The following SOBP variants were observed in gnomAD, a reference collection of about 807,000 sequenced individuals.
SOBP encodes sine oculis binding protein homolog.
A neutral mutation model predicts 53.6 loss-of-function variants in SOBP; 4 were observed. That is an observed-to-expected ratio of 0.07 (90% confidence interval 0.04 to 0.17). The LOEUF (loss-of-function observed/expected upper bound fraction) is 0.17, where lower values mean the gene tolerates loss of function less well. Among genes scored for constraint, SOBP ranks in the 10% least tolerant of loss-of-function variants. SOBP has a pLI of 1.00. For synonymous variants in SOBP, 584 were observed against 522.6 expected (o/e 1.12, Z -1.60); for missense variants, 1,088 against 1,204.7 (o/e 0.90, Z 1.43).
intron 5 of SOBP, among the ~76,000 whole-genome samples, chr6:107,607,835 A>G (rs1786444085): frequency 6.6e-6 from 1 of 152,234 alleles, no homozygotes; most frequent in South Asian, 2.1e-4. Context: ...CTTACCAGGT[A>G]TGAGACACAC....
chr6:107,571,826 A>G (rs1785081809), intron 4 of SOBP, among the ~76,000 whole-genome samples: 1 of 152,188 alleles, frequency 6.6e-6, no homozygotes, highest in African/African-American at 2.4e-5. Flanking sequence ...TTTCATTTTG[A>G]TTATATCTTT....
At chr6:107,602,233 ATT>A (rs1019051187) in intron 5 of SOBP, among the ~76,000 whole-genome samples, 6 of 152,246 alleles carry the variant, frequency 3.9e-5, no homozygotes, top group Non-Finnish European at 5.9e-5. Context: ...TTGATCTGCA[ATT>A]ATAAGTAATC....
intron 6 of SOBP, among the ~76,000 whole-genome samples, chr6:107,646,553 AGACT>A (rs1353443224): frequency 6.6e-6 from 1 of 152,346 alleles, no homozygotes; most frequent in East Asian, 1.9e-4. Context: ...AGCGATGCCT[AGACT>A]GTCTGTCCTT....
At chr6:107,649,679 A>AAG (rs923957401) in intron 6 of SOBP, among the ~76,000 whole-genome samples, 2 of 151,624 alleles carry the variant, frequency 1.3e-5, no homozygotes, top group African/African-American at 2.4e-5. Flanking sequence ...AAAAAAAAAA[A>AAG]AAGAAGAAGA....
chr6:107,647,509 G>C (rs1157632192), intron 6 of SOBP, among the ~76,000 whole-genome samples: 1 of 152,238 alleles, frequency 6.6e-6, no homozygotes, highest in African/African-American at 2.4e-5. Flanking sequence ...TACAAAAATT[G>C]TCATGATAGC....
rs761711421 is a variant in SOBP, at chr6:107,506,349, C to T, written c.343C>T (p.Pro115Ser). The T allele has an allele frequency of 1.9e-6, 3 of 1,614,178 alleles. No homozygotes were observed. The highest frequency in any genetic ancestry group is 2.2e-5 in the South Asian group (2 of 91,084). Reference sequence around the variant, plus strand: ...CACTGGAAATGGACTCAGTGACTCACCTGCAGGGTCAAAGGATCATGGCAG... The same window carrying T: ...CACTGGAAATGGACTCAGTGACTCATCTGCAGGGTCAAAGGATCATGGCAG... Reference protein sequence around the residue: ...LATGNGLSDSPAGSKDHGSVP... With the variant: ...LATGNGLSDSSAGSKDHGSVP... Residue 115 changes from proline (P) to serine (S), a missense_variant, in exon 3 of 7, where the codon CCT (proline) becomes TCT (serine). Around this residue, in one of 6 missense-constraint regions of SOBP, gnomAD observed 112 missense variants for 117.9 expected, o/e 0.95. Transcript: ENST00000317357.
intron 4 of SOBP, among the ~76,000 whole-genome samples, chr6:107,566,968 A>G (rs1784936020): frequency 6.6e-6 from 1 of 152,220 alleles, no homozygotes; most frequent in African/African-American, 2.4e-5. Context: ...GGGGTGTGTC[A>G]GGCAGATACC....
At chr6:107,491,053 C>G (rs527428740) in intron 1 of SOBP, among the ~76,000 whole-genome samples, 3 of 152,226 alleles carry the variant, frequency 2.0e-5, no homozygotes, top group African/African-American at 4.8e-5. Context: ...GTTTCTCCCC[C>G]CTTTTTGAGA....
rs1783905481 is a variant in SOBP, at chr6:107,533,552, G to A, written c.515G>A (p.Ser172Asn). Residue 172 changes from serine (S) to asparagine (N), a missense_variant, in exon 4 of 7, where the codon AGC becomes AAC. Ser to Asn is a conservative substitution (Grantham distance 46). Coordinates refer to ENST00000317357, the MANE Select transcript of SOBP (RefSeq NM_018013.4). ...YSLSMGSEVK[S>N]FCSEKCFAAC... ...CTGAGTATGGGAAGTGAGGTGAAAA[G>A]CTTCTGCAGCGAGAAGTGCTTTGCG... The A allele has an allele frequency of 6.2e-7, 1 of 1,614,168 alleles. No individual in the cohort carries two copies. The highest frequency in any genetic ancestry group is 1.7e-5 in the Admixed American group (1 of 60,026).
At chr6:107,599,902 T>C (rs1394885178) in intron 5 of SOBP, among the ~76,000 whole-genome samples, 1 of 152,178 alleles carries the variant, frequency 6.6e-6, no homozygotes, top group Non-Finnish European at 1.5e-5. Flanking sequence ...GAAACAAAAA[T>C]CCACAAGAAT....
chr6:107,503,827 A>C (rs1782906558), intron 2 of SOBP, 32 bp downstream of exon 2: 1 of 1,612,118 alleles, frequency 6.2e-7, no homozygotes, highest in Non-Finnish European at 8.5e-7. Context: ...TTGTTCATGC[A>C]AAGAAGGATT....
At chr6:107,611,624 C>T (rs558790037) in intron 5 of SOBP, among the ~76,000 whole-genome samples, 31 of 152,270 alleles carry the variant, frequency 2.0e-4, no homozygotes, top group Middle Eastern at 3.4e-3. Context: ...TGGACTCACC[C>T]GTGTTGTTGC....
chr6:107,615,983 C>T (rs557282497), intron 5 of SOBP, among the ~76,000 whole-genome samples: 46 of 149,906 alleles, frequency 3.1e-4, no homozygotes, highest in Middle Eastern at 3.4e-3. Context: ...GATCATACCA[C>T]TGCACTCCAG....
chr6:107,494,232 T>C (rs147718915), intron 1 of SOBP, among the ~76,000 whole-genome samples: 4 of 152,342 alleles, frequency 2.6e-5, no homozygotes, highest in African/African-American at 9.6e-5. Context: ...AAAGTGAATG[T>C]TGTGATTGTG....
intron 3 of SOBP, among the ~76,000 whole-genome samples, chr6:107,516,375 T>C (rs73516911): frequency 0.023 from 3,458 of 151,932 alleles, 153 homozygotes; most frequent in African/African-American, 0.079. Context: ...GGTGGGAGAA[T>C]TGTTGGAACC....
At chr6:107,582,553 CAAA>C (rs35473947) in intron 4 of SOBP, among the ~76,000 whole-genome samples, 7 of 114,120 alleles carry the variant, frequency 6.1e-5, no homozygotes, top group African/African-American at 9.5e-5. Flanking sequence ...TCTGTTATGG[CAAA>C]AAAAAAAAAA....
intron 5 of SOBP, among the ~76,000 whole-genome samples, chr6:107,593,992 T>C (rs1329760521): frequency 6.6e-6 from 1 of 152,252 alleles, no homozygotes; most frequent in Non-Finnish European, 1.5e-5. Context: ...TATGAAGTAC[T>C]GCAGTATCTG....
intron 6 of SOBP, among the ~76,000 whole-genome samples, chr6:107,651,703 AGAGAG>A (rs947004252): frequency 1.3e-5 from 2 of 152,258 alleles, no homozygotes; most frequent in African/African-American, 4.8e-5. Flanking sequence ...TTTCATAGAT[AGAGAG>A]GAGTCAATGC....
intron 5 of SOBP, among the ~76,000 whole-genome samples, chr6:107,628,193 T>C (rs928924973): frequency 6.6e-6 from 1 of 152,228 alleles, no homozygotes; most frequent in Non-Finnish European, 1.5e-5. Context: ...GCCATGTCGC[T>C]TTATCAAGCT....
Sources: gnomAD v4.1 joint callset for allele counts (sites outside exome capture counted in the v4.1 genomes callset) on GRCh38, gnomAD v4.1.1 for gene constraint, gnomAD v4.1.1 regional missense constraint, MANE v1.5 for transcripts, NCBI Gene and HGNC (gene_info 2026-07-23, HGNC 2026-07-21) for gene names.